RALGAPA1: variants seen among roughly 807,000 people sequenced by gnomAD.
The protein encoded by RALGAPA1 is ral GTPase-activating protein subunit alpha-1.
A neutral mutation model predicts 269.6 loss-of-function variants in RALGAPA1; 52 were observed. The ratio of observed to expected loss-of-function variants is 0.19; its 90% CI spans 0.15 to 0.24. RALGAPA1 has a LOEUF of 0.24. Ranked by LOEUF, RALGAPA1 falls within the 10% of genes least tolerant of loss-of-function variation. The probability of loss-of-function intolerance (pLI) is 1.00; values close to 1 mark genes in which losing one functional copy is unlikely to be tolerated. For synonymous variants in RALGAPA1, 817 were observed against 1,008.3 expected (o/e 0.81, Z 3.60); for missense variants, 1,917 against 3,013.9 (o/e 0.64, Z 8.52).
chr14:35,596,030 C>T (rs764530108), intron 36 of RALGAPA1, among the ~76,000 whole-genome samples: 1 of 151,996 alleles, frequency 6.6e-6, no homozygotes, highest in African/African-American at 2.4e-5. Flanking sequence ...TACTATGCAT[C>T]TTTTGTTAGC....
At chr14:35,658,351 T>C (rs1220031038) in intron 28 of RALGAPA1, among the ~76,000 whole-genome samples, 2 of 152,144 alleles carry the variant, frequency 1.3e-5, no homozygotes, top group Non-Finnish European at 2.9e-5. Flanking sequence ...AGAATAAGAA[T>C]CCAAATAGTC....
chr14:35,612,238 G>T (rs1359248432), intron 35 of RALGAPA1, among the ~76,000 whole-genome samples: 1 of 151,854 alleles, frequency 6.6e-6, no homozygotes, highest in Non-Finnish European at 1.5e-5. Context: ...AGGCGTGGTG[G>T]CATGCGTCTG....
chr14:35,694,202 A>G (rs1199380961), intron 17 of RALGAPA1, among the ~76,000 whole-genome samples: 5 of 152,168 alleles, frequency 3.3e-5, no homozygotes, highest in Non-Finnish European at 5.9e-5. Context: ...GAAATGAATC[A>G]TAGAATCAAG....
At chr14:35,762,579 C>T (rs1490491220) in intron 5 of RALGAPA1, 131 bp downstream of exon 5, 1 of 726,824 alleles carries the variant, frequency 1.4e-6, no homozygotes, top group East Asian at 2.6e-5. Context: ...TAAGGGAACT[C>T]ACTTCAATTA....
At chr14:35,711,917 G>A (rs941840750) in intron 16 of RALGAPA1, among the ~76,000 whole-genome samples, 10 of 151,962 alleles carry the variant, frequency 6.6e-5, no homozygotes, top group Admixed American at 3.9e-4. Context: ...ATATGTTTTC[G>A]GTTTGTTGAA....
At chr14:35,697,673 G>A (rs78712778) in intron 17 of RALGAPA1, among the ~76,000 whole-genome samples, 3,374 of 151,526 alleles carry the variant, frequency 0.022, 124 homozygotes, top group South Asian at 0.14. Context: ...TTTTTAACAG[G>A]TTTTCTAAGG....
intron 35 of RALGAPA1, among the ~76,000 whole-genome samples, chr14:35,611,023 AT>A (rs1176978019): frequency 1.9e-4 from 29 of 152,360 alleles, no homozygotes; most frequent in African/African-American, 7.0e-4. Flanking sequence ...TAAAGACTTA[AT>A]ATTGTTAAGA....
At chr14:35,633,538 T>A (rs918895933) in intron 33 of RALGAPA1, among the ~76,000 whole-genome samples, 2 of 152,170 alleles carry the variant, frequency 1.3e-5, no homozygotes, top group Non-Finnish European at 2.9e-5. Flanking sequence ...AAATAATAAA[T>A]ACTTTTGGTT....
chr14:35,630,958 C>T (rs2061323960), intron 33 of RALGAPA1, among the ~76,000 whole-genome samples: 1 of 151,678 alleles, frequency 6.6e-6, no homozygotes, highest in African/African-American at 2.4e-5. Flanking sequence ...TACTAATAAC[C>T]AGCCATTCAA....
chr14:35,775,737 C>A lies in RALGAPA1; in HGVS notation c.115G>T (p.Glu39Ter). 6.5e-7 allele frequency: 1 copy of A among 1,533,504 alleles called. No homozygotes were observed. The highest frequency in any genetic ancestry group is 8.7e-7 in the Non-Finnish European group (1 of 1,148,892). The allele number at this position is 1,533,504 out of a possible 1,614,324, so 95.0% of individuals were successfully genotyped here. Residue 39 changes from glutamate (E) to a stop codon, truncating the protein, a stop_gained, in exon 2 of 42, where the codon GAA becomes TAA. Transcript: ENST00000680220. LOFTEE classifies it high-confidence loss of function. ...AAAAACTGTTTAAGATCAATAGATTCTGCATTCTCTGAAAAATAAAAAAAA... is the reference window on the plus strand; with the variant it reads ...AAAAACTGTTTAAGATCAATAGATTATGCATTCTCTGAAAAATAAAAAAAA... ...KHLRIVIENA[E>*]SIDLKQFFDQ...
intron 39 of RALGAPA1, among the ~76,000 whole-genome samples, chr14:35,560,858 C>A (rs1223818219): frequency 6.6e-6 from 1 of 152,136 alleles, no homozygotes; most frequent in Non-Finnish European, 1.5e-5. Flanking sequence ...ATCAGAGATT[C>A]ACATTTATTG....
At chr14:35,741,925 T>C (rs924648103) in intron 11 of RALGAPA1, among the ~76,000 whole-genome samples, 2 of 152,184 alleles carry the variant, frequency 1.3e-5, no homozygotes, top group African/African-American at 4.8e-5. Flanking sequence ...TCAGCTCTAG[T>C]GCAAAAGATT....
intron 41 of RALGAPA1, chr14:35,542,041 A>T (rs1445252818): frequency 4.0e-6 from 5 of 1,238,300 alleles, no homozygotes; most frequent in African/African-American, 1.5e-5. Flanking sequence ...TAACAAAACA[A>T]GTTCAAATAG....
At chr14:35,725,561 T>G (rs1488012620) in intron 13 of RALGAPA1, among the ~76,000 whole-genome samples, 1 of 152,174 alleles carries the variant, frequency 6.6e-6, no homozygotes, top group East Asian at 1.9e-4. Flanking sequence ...AATAACTATA[T>G]CAAATCAATC....
At chr14:35,764,619 C>T (rs528243350) in intron 4 of RALGAPA1, among the ~76,000 whole-genome samples, 1 of 152,116 alleles carries the variant, frequency 6.6e-6, no homozygotes, top group African/African-American at 2.4e-5. Context: ...GATCATGGCT[C>T]ATTGTAGCCT....
rs146535516 is a variant in RALGAPA1, at chr14:35,627,840, G to T, written c.6107C>A (p.Thr2036Lys). 2.9e-4 allele frequency: 466 copies of T among 1,592,038 alleles called. 1 individual carries two copies. The highest frequency in any genetic ancestry group is 5.2e-4 in the Middle Eastern group (3 of 5,768). ...YPMSGGPAML[T>K]SQVCENHDNH... ...GTCGTGATTTTCACACACCTGACTT[G>T]TTAGCATAGCAGGACCACCGCTCAT... The change falls in exon 34 of 42, where the codon ACA (threonine) becomes AAA (lysine). Residue 2036 changes from threonine to lysine, a missense_variant. Around this residue, in one of 11 missense-constraint regions of RALGAPA1, gnomAD observed 346 missense variants for 566.1 expected, o/e 0.61. Coordinates refer to ENST00000680220, the MANE Select transcript of RALGAPA1 (RefSeq NM_001346249.2).
At chr14:35,710,646 T>A (rs115420261) in intron 16 of RALGAPA1, among the ~76,000 whole-genome samples, 3,321 of 152,314 alleles carry the variant, frequency 0.022, 123 homozygotes, top group African/African-American at 0.075. Flanking sequence ...TGCATAATGA[T>A]GTTTCGGTCA....
intron 36 of RALGAPA1, among the ~76,000 whole-genome samples, chr14:35,604,456 T>A (rs1594778921): frequency 3.3e-5 from 5 of 151,450 alleles, no homozygotes; most frequent in Admixed American, 3.3e-4. Context: ...AATAAAAAAA[T>A]AGGTTAGATT....
At chr14:35,727,178 C>T (rs1388483272) in intron 13 of RALGAPA1, among the ~76,000 whole-genome samples, 2 of 151,194 alleles carry the variant, frequency 1.3e-5, no homozygotes, top group South Asian at 2.1e-4. Flanking sequence ...AAAGCATATA[C>T]CTAATTTATG....
Sources: allele counts gnomAD v4.1 joint callset (sites outside exome capture counted in the v4.1 genomes callset), GRCh38; gene constraint gnomAD v4.1.1; regional missense constraint gnomAD v4.1.1; transcripts MANE v1.5; gene names NCBI Gene and HGNC (gene_info 2026-07-23, HGNC 2026-07-21).